DCP1A: variants seen among roughly 807,000 people sequenced by gnomAD.
The protein encoded by DCP1A is decapping mRNA 1A.
DCP1A carries 20 observed loss-of-function variants against 58.0 expected under a neutral mutation model. That is an observed-to-expected ratio of 0.34 (90% confidence interval 0.24 to 0.50). The LOEUF (loss-of-function observed/expected upper bound fraction) is 0.50, where lower values mean the gene tolerates loss of function less well. Ranked by LOEUF, DCP1A falls within the 20% of genes least tolerant of loss-of-function variation. The pLI is 0.98. For synonymous variants in DCP1A, 285 were observed against 275.1 expected (o/e 1.04, Z -0.36); for missense variants, 613 against 712.2 (o/e 0.86, Z 1.59).
chr3:53,347,357 C>G, intron 1 of DCP1A, 26 bp downstream of exon 1: 5 of 1,536,526 alleles, frequency 3.3e-6, no homozygotes, highest in African/African-American at 1.4e-5. Context: ...GCCGGGTGGC[C>G]GTCCTCAGGG....
intron 6 of DCP1A, among the ~76,000 whole-genome samples, chr3:53,302,128 C>G (rs561201131): frequency 1.3e-5 from 2 of 152,072 alleles, no homozygotes; most frequent in Non-Finnish European, 2.9e-5. Context: ...AATATACACA[C>G]AACAAAGGAA....
At chr3:53,299,333 T>C (rs1037223861) in intron 6 of DCP1A, among the ~76,000 whole-genome samples, 1 of 152,234 alleles carries the variant, frequency 6.6e-6, no homozygotes, top group African/African-American at 2.4e-5. Flanking sequence ...TTCCTCATGC[T>C]TGAACATGCT....
At chr3:53,320,126 T>TAA (rs879969801) in intron 3 of DCP1A, among the ~76,000 whole-genome samples, 5 of 139,106 alleles carry the variant, frequency 3.6e-5, no homozygotes, top group African/African-American at 1.1e-4. Flanking sequence ...AGACTCCATC[T>TAA]AAAAAAAAAA....
Position 53,289,685 on chromosome 3 carries a change from TTAAAA to T in DCP1A, c.1449+1101_1449+1105del, listed in dbSNP as rs1396433161. Among the ~76,000 whole-genome samples the T allele has an allele frequency of 2.6e-5, 4 of 152,200 alleles. 1 individual carries two copies. Among genetic ancestry groups the T allele is most frequent in the South Asian group, 4.1e-4 (2 of 4,836 alleles). Reference sequence around the variant, plus strand: ...TTATAGATAGCAATGAGAAAATTTCTTAAAATAAAGCTAACATCTACCTCTCTCCT... The same window carrying T: ...TTATAGATAGCAATGAGAAAATTTCTTAAAGCTAACATCTACCTCTCTCCT... On this transcript the variant is annotated intron_variant, in intron 8 of 9. Transcript: ENST00000610213.
At chr3:53,335,152 A>T (rs1338477447) in intron 3 of DCP1A, among the ~76,000 whole-genome samples, 2 of 149,732 alleles carry the variant, frequency 1.3e-5, no homozygotes, top group Non-Finnish European at 3.0e-5. Flanking sequence ...TTATTTATTT[A>T]TTTTTTGAGA....
At position 53,292,282 on chromosome 3, in the gene DCP1A, T is replaced by C. The variant is rs1242305724; in HGVS notation, c.1170A>G (p.Pro390=). The C allele has an allele frequency of 1.9e-6, 3 of 1,613,738 alleles. No homozygotes were observed. The highest frequency in any genetic ancestry group is 1.7e-6 in the Non-Finnish European group (2 of 1,179,860). Residue 390 remains proline, a synonymous_variant, in exon 7 of 10, where the codon CCA becomes CCG. Transcript: ENST00000610213. ...NVTNTAGTSL[P]SVDLLQKLRL... ...TGAGTTTCTGGAGAAGATCAACGCT[T>C]GGGAGGGATGTGCCAGCTGTGTTCG...
chr3:53,304,717 T>G (rs191575084), intron 5 of DCP1A, among the ~76,000 whole-genome samples: 161 of 151,596 alleles, frequency 1.1e-3, no homozygotes, highest in African/African-American at 3.6e-3. Context: ...GGATTACAGG[T>G]GCAAGCCACC....
At chr3:53,316,018 C>T (rs782375638) in intron 4 of DCP1A, among the ~76,000 whole-genome samples, 6 of 151,798 alleles carry the variant, frequency 4.0e-5, no homozygotes, top group Admixed American at 1.3e-4. Context: ...CCTCCCAAAG[C>T]GCTGGGATTA....
rs376836699 is a variant in DCP1A, at chr3:53,320,089, C to T, written c.305-616G>A. Among the ~76,000 whole-genome samples, 13 of 151,452 alleles carry T rather than the reference C, an allele frequency of 8.6e-5. No individual in the cohort carries two copies. The East Asian group carries it at 2.5e-3, about 29-fold the overall frequency. The stretch of plus-strand genomic sequence containing the variant: ...GTTGCAGTGAGCCGAGATCACGCCA[C>T]TGCACTCCAGCCTAGGCAACAGAGT... On this transcript the variant is annotated intron_variant, in intron 3 of 9. Transcript: ENST00000610213.
intron 1 of DCP1A, among the ~76,000 whole-genome samples, chr3:53,346,927 T>A (rs1406356745): frequency 1.3e-5 from 2 of 151,170 alleles, no homozygotes; most frequent in Non-Finnish European, 3.0e-5. Flanking sequence ...AAATGACCTC[T>A]GCGACAGGGG....
At chr3:53,332,603 G>A (rs1158912623) in intron 3 of DCP1A, among the ~76,000 whole-genome samples, 1 of 152,086 alleles carries the variant, frequency 6.6e-6, no homozygotes, top group Non-Finnish European at 1.5e-5. Context: ...GGTGGCTCAT[G>A]CCTGTAATCC....
At chr3:53,322,046 A>G (rs891002363) in intron 3 of DCP1A, among the ~76,000 whole-genome samples, 1 of 152,240 alleles carries the variant, frequency 6.6e-6, no homozygotes, top group Non-Finnish European at 1.5e-5. Context: ...ATCAATATAT[A>G]CCAATTTAGA....
intron 6 of DCP1A, among the ~76,000 whole-genome samples, chr3:53,298,285 C>T (rs1553687005): frequency 1.3e-5 from 2 of 152,210 alleles, no homozygotes; most frequent in Non-Finnish European, 2.9e-5. Flanking sequence ...TGACCCCTGA[C>T]TTTAAAAGCA....
chr3:53,331,033 A>G (rs569780835), intron 3 of DCP1A, among the ~76,000 whole-genome samples: 2 of 151,984 alleles, frequency 1.3e-5, no homozygotes, highest in South Asian at 4.2e-4. Flanking sequence ...TAATTTTTGT[A>G]TTTTTAGTAG....
rs75542115 is a variant in DCP1A at position 53,337,902 on chromosome 3, T to C, written c.304+4242A>G. ...GTGTTCTTCATTTGCCCTAGCCACA[T>C]TGCAGGCTACTATATGGGACAGTGC... On this transcript the variant is annotated intron_variant, in intron 3 of 9. Coordinates refer to ENST00000610213, the MANE Select transcript of DCP1A (RefSeq NM_018403.7). Among the ~76,000 whole-genome samples the C allele has an allele frequency of 1.0e-2, 1,522 of 152,350 alleles. 19 individuals are homozygous for C. Among genetic ancestry groups the C allele is most frequent in the African/African-American group, 0.034 (1,401 of 41,578 alleles).
rs1464949131 is a variant in DCP1A, at chr3:53,286,911, A to G, written c.*669T>C. Reference sequence around the variant, plus strand: ...TGTGTCCACACCACCAGAGCCTGACAGTGCCCTATTCAAATGGTAATGCTG... The same window carrying G: ...TGTGTCCACACCACCAGAGCCTGACGGTGCCCTATTCAAATGGTAATGCTG... On this transcript the variant is annotated 3_prime_UTR_variant, in exon 10 of 10. Transcript: ENST00000610213. 6.6e-6 allele frequency: 1 copy of G among 152,282 alleles called. No homozygotes were observed. The highest frequency in any genetic ancestry group is 2.4e-5 in the African/African-American group (1 of 41,470). 9.4% of individuals were successfully genotyped at this position (152,282 alleles called of 1,614,324 possible).
intron 6 of DCP1A, among the ~76,000 whole-genome samples, chr3:53,295,077 C>T (rs1553686639): frequency 6.6e-6 from 1 of 152,158 alleles, no homozygotes; most frequent in Non-Finnish European, 1.5e-5. Flanking sequence ...TCAGGAGGGG[C>T]TCCTGTCAGA....
chr3:53,292,023 C>T (rs782387596), intron 7 of DCP1A, 46 bp downstream of exon 7: 1 of 1,549,532 alleles, frequency 6.5e-7, no homozygotes, highest in East Asian at 2.3e-5. Context: ...TCATCCCATC[C>T]AGTTACAGTT....
At chr3:53,304,760 T>C (rs574965318) in intron 5 of DCP1A, among the ~76,000 whole-genome samples, 8 of 151,706 alleles carry the variant, frequency 5.3e-5, no homozygotes, top group African/African-American at 1.9e-4. Flanking sequence ...TTTTTTTGTA[T>C]TTTTAGTAGA....
Sources: gnomAD v4.1 joint callset for allele counts (sites outside exome capture counted in the v4.1 genomes callset) on GRCh38, gnomAD v4.1.1 for gene constraint, MANE v1.5 for transcripts, NCBI Gene and HGNC (gene_info 2026-07-23, HGNC 2026-07-21) for gene names.